The following CDH18 variants were observed in gnomAD, a reference collection of about 807,000 sequenced individuals.
CDH18 encodes cadherin 18.
Under a neutral mutation model 67.9 loss-of-function variants are expected in CDH18, and 31 were observed. The observed-to-expected ratio is 0.46, with a 90% CI of 0.34 to 0.62. The LOEUF (loss-of-function observed/expected upper bound fraction) is 0.62. CDH18 is among the 20% of genes least tolerant of loss of function. The pLI is 0.01. For synonymous variants in CDH18, 362 were observed against 347.2 expected (o/e 1.04, Z -0.48); for missense variants, 890 against 975.5 (o/e 0.91, Z 1.17).
At chr5:19,746,860 A>G in intron 4 of CDH18, 82 bp downstream of exon 4, 1 of 1,050,814 alleles carries the variant, frequency 9.5e-7, no homozygotes, top group East Asian at 2.5e-5. Flanking sequence ...ATATATATAT[A>G]AGTAAAAATT....
chr5:20,275,532 C>G (rs1262005892), intron 1 of CDH18, among the ~76,000 whole-genome samples: 1 of 152,148 alleles, frequency 6.6e-6, no homozygotes, highest in Non-Finnish European at 1.5e-5. Context: ...CGCCACTTAA[C>G]AGTTGTATCA....
chr5:20,144,469 A>G (rs1750488541), intron 2 of CDH18, among the ~76,000 whole-genome samples: 1 of 152,176 alleles, frequency 6.6e-6, no homozygotes, highest in East Asian at 1.9e-4. Flanking sequence ...AAGGAAGATA[A>G]CTTGTCTGGC....
intron 2 of CDH18, among the ~76,000 whole-genome samples, chr5:20,254,753 T>A (rs1744102286): frequency 6.6e-6 from 1 of 152,142 alleles, no homozygotes; most frequent in African/African-American, 2.4e-5. Context: ...ATCCAGCAAT[T>A]GCACTACTGT....
chr5:20,383,519 G>A (rs910631976), intron 1 of CDH18, among the ~76,000 whole-genome samples: 2 of 152,016 alleles, frequency 1.3e-5, no homozygotes, highest in Admixed American at 1.3e-4. Context: ...TTTTCTTTTT[G>A]GTTTGTTTTA....
intron 5 of CDH18, among the ~76,000 whole-genome samples, chr5:19,679,185 G>A (rs1759910200): frequency 1.3e-5 from 2 of 151,888 alleles, no homozygotes; most frequent in African/African-American, 4.8e-5. Flanking sequence ...CACATAAACA[G>A]AACTAAAAGC....
At chr5:20,513,208 GC>G in intron 1 of CDH18, among the ~76,000 whole-genome samples, 1 of 152,216 alleles carries the variant, frequency 6.6e-6, no homozygotes, top group South Asian at 2.1e-4. Context: ...ATTCCACAGT[GC>G]TGCTAAATGT....
rs1038862456 is a variant in CDH18, at chr5:19,473,322, T to C, written c.2277A>G (p.Gln759=). Reference sequence around the variant, plus strand: ...CAAGGTAGTGATAATCCTGGTCTGATTGTGTCGTTGCTGAATCCAGCGAGC... The same window carrying C: ...CAAGGTAGTGATAATCCTGGTCTGACTGTGTCGTTGCTGAATCCAGCGAGC... ...SISSLDSATT[Q]SDQDYHYLGD... is the part of the protein sequence containing the mutation. Residue 759 remains glutamine (Q), a synonymous_variant, in exon 13 of 13, where the codon CAA becomes CAG. Transcript: ENST00000382275. The C allele has an allele frequency of 3.1e-6, 5 of 1,613,750 alleles. No homozygotes were observed. Among genetic ancestry groups the C allele is most frequent in the African/African-American group, 1.3e-5 (1 of 74,886 alleles).
chr5:19,719,837 T>C (rs1484048561), intron 5 of CDH18, among the ~76,000 whole-genome samples: 4 of 150,672 alleles, frequency 2.7e-5, no homozygotes, highest in East Asian at 1.9e-4. Flanking sequence ...TTGTTTTCTT[T>C]TTAAGGTAAA....
chr5:19,520,113 T>TGCCATG (rs1746656783), intron 10 of CDH18, among the ~76,000 whole-genome samples: 1 of 152,194 alleles, frequency 6.6e-6, no homozygotes, highest in African/African-American at 2.4e-5. Flanking sequence ...CCTTCCAAAT[T>TGCCATG]GCCATGCTTC....
chr5:20,079,650 T>C (rs1482997875), intron 2 of CDH18, among the ~76,000 whole-genome samples: 1 of 152,152 alleles, frequency 6.6e-6, no homozygotes, highest in Non-Finnish European at 1.5e-5. Context: ...TAATTTACAA[T>C]ACTACCTTTT....
At chr5:19,694,191 A>G (rs1762254540) in intron 5 of CDH18, among the ~76,000 whole-genome samples, 1 of 152,144 alleles carries the variant, frequency 6.6e-6, no homozygotes, top group African/African-American at 2.4e-5. Flanking sequence ...TTTTTTATAT[A>G]TGTATAAAGG....
chr5:19,755,427 G>GTATATATATATATATATATATATATA lies in CDH18; in HGVS notation c.229-8192_229-8191insTATATATATATATATATATATATATA, dbSNP rs1373982305. Reference sequence around the variant, plus strand: ...TCTCTAGAGGGACAGAACTAACAGGGTATGTATATATATATATATATATAT... The same window carrying GTATATATATATATATATATATATATA: ...TCTCTAGAGGGACAGAACTAACAGGGTATATATATATATATATATATATATATATGTATATATATATATATATATAT... On this transcript the variant is annotated intron_variant, in intron 3 of 12. Coordinates refer to ENST00000382275, the MANE Select transcript of CDH18 (RefSeq NM_004934.5). 1.1e-4 allele frequency among the ~76,000 whole-genome samples: 5 copies of GTATATATATATATATATATATATATA among 44,656 alleles called. 1 individual carries two copies. Among genetic ancestry groups the GTATATATATATATATATATATATATA allele is most frequent in the African/African-American group, 1.9e-4 (3 of 15,656 alleles). The allele number at this position is 44,656 out of a possible 152,430, so 29.3% of individuals were successfully genotyped here. A position where few individuals can be genotyped will look rare whatever the true frequency, so the allele number is the denominator to read the frequency against.
intron 9 of CDH18, among the ~76,000 whole-genome samples, chr5:19,527,087 G>A (rs575541541): frequency 2.0e-4 from 30 of 151,902 alleles, no homozygotes; most frequent in African/African-American, 6.7e-4. Context: ...CTGATGCTGG[G>A]ACATTTTAAC....
At chr5:19,591,529 G>GT (rs1441603390) in intron 6 of CDH18, among the ~76,000 whole-genome samples, 2 of 151,984 alleles carry the variant, frequency 1.3e-5, no homozygotes, top group African/African-American at 4.8e-5. Flanking sequence ...TAGAAGAGAG[G>GT]TAAAGTTTTC....
intron 2 of CDH18, among the ~76,000 whole-genome samples, chr5:20,235,565 C>T (rs1742412970): frequency 6.6e-6 from 1 of 152,164 alleles, no homozygotes; most frequent in South Asian, 2.1e-4. Flanking sequence ...CAAATCAAAA[C>T]CACAATGATA....
At chr5:19,700,288 A>G (rs1763071929) in intron 5 of CDH18, among the ~76,000 whole-genome samples, 1 of 152,182 alleles carries the variant, frequency 6.6e-6, no homozygotes, top group Non-Finnish European at 1.5e-5. Context: ...ACATATCTAA[A>G]CAACTGAAAT....
At chr5:19,702,591 C>T (rs1763413131) in intron 5 of CDH18, among the ~76,000 whole-genome samples, 1 of 151,960 alleles carries the variant, frequency 6.6e-6, no homozygotes, top group African/African-American at 2.4e-5. Context: ...CATAGTAAAA[C>T]CCCGTCTCTA....
intron 3 of CDH18, among the ~76,000 whole-genome samples, chr5:19,778,134 T>G (rs189967130): frequency 2.1e-3 from 321 of 152,246 alleles, no homozygotes; most frequent in Non-Finnish European, 3.4e-3. Flanking sequence ...AAAACACCTT[T>G]GCCAAACCCA....
intron 1 of CDH18, among the ~76,000 whole-genome samples, chr5:20,334,776 A>T (rs1348134657): frequency 6.6e-6 from 1 of 151,714 alleles, no homozygotes; most frequent in Non-Finnish European, 1.5e-5. Context: ...ACACACACAC[A>T]CACACACACA....
Sources: gnomAD v4.1 joint callset for allele counts (sites outside exome capture counted in the v4.1 genomes callset) on GRCh38, gnomAD v4.1.1 for gene constraint, MANE v1.5 for transcripts, NCBI Gene and HGNC (gene_info 2026-07-23, HGNC 2026-07-21) for gene names.